Variants in ZNF804B observed in about 807,000 individuals in gnomAD.
ZNF804B encodes zinc finger protein 804B.
ZNF804B carries 80 observed loss-of-function variants against 101.4 expected under a neutral mutation model. The ratio of observed to expected loss-of-function variants is 0.79; its 90% CI spans 0.66 to 0.95. The LOEUF is 0.95. ZNF804B is among the 40% of genes least tolerant of loss of function. ZNF804B has a pLI of 0.00. For missense variants in ZNF804B, 1,673 were observed against 1,561.9 expected (o/e 1.07, Z -1.20); for synonymous variants, 622 against 558.8 (o/e 1.11, Z -1.59).
At chr7:89,237,457 T>C (rs971215278) in intron 2 of ZNF804B, among the ~76,000 whole-genome samples, 1 of 152,308 alleles carries the variant, frequency 6.6e-6, no homozygotes, top group Admixed American at 6.5e-5. Context: ...TTGAAAATGT[T>C]GATGTGATGA....
At chr7:89,320,440 A>T (rs1480827686) in intron 2 of ZNF804B, among the ~76,000 whole-genome samples, 1 of 152,134 alleles carries the variant, frequency 6.6e-6, no homozygotes, top group East Asian at 1.9e-4. Flanking sequence ...TAATCAATGA[A>T]CTTGAATCCA....
chr7:89,097,320 T>C (rs1335399664), intron 1 of ZNF804B, among the ~76,000 whole-genome samples: 5 of 152,192 alleles, frequency 3.3e-5, no homozygotes, highest in African/African-American at 1.2e-4. Context: ...GCAGTGTGGA[T>C]GTTTGTAATA....
At chr7:89,132,337 G>A (rs1290402398) in intron 1 of ZNF804B, among the ~76,000 whole-genome samples, 1 of 151,922 alleles carries the variant, frequency 6.6e-6, no homozygotes, top group Non-Finnish European at 1.5e-5. Context: ...AAACAAAGAC[G>A]CTATCTTGAA....
intron 1 of ZNF804B, among the ~76,000 whole-genome samples, chr7:88,961,043 T>C (rs868191043): frequency 5.3e-5 from 8 of 151,568 alleles, no homozygotes; most frequent in African/African-American, 1.9e-4. Flanking sequence ...GTATGAAATA[T>C]ATTTTAGACA....
intron 1 of ZNF804B, among the ~76,000 whole-genome samples, chr7:89,091,594 G>A (rs1024492230): frequency 4.6e-5 from 7 of 152,050 alleles, no homozygotes; most frequent in African/African-American, 1.7e-4. Flanking sequence ...AAATAAACAA[G>A]CATTTGATTC....
chr7:88,856,668 C>T (rs1305873144), intron 1 of ZNF804B, among the ~76,000 whole-genome samples: 1 of 152,096 alleles, frequency 6.6e-6, no homozygotes, highest in Admixed American at 6.6e-5. Context: ...TGAGAGAGAG[C>T]ATCCCTGTCT....
intron 1 of ZNF804B, among the ~76,000 whole-genome samples, chr7:88,788,362 C>T (rs73198640): frequency 0.19 from 29,120 of 152,044 alleles, 3,162 homozygotes; most frequent in African/African-American, 0.3. Context: ...TGTCCTTCAA[C>T]ACACCAAGCT....
In ZNF804B at chr7:89,057,726, G is replaced by A. The variant is rs375490555; in HGVS notation, c.109-160429G>A. Among the ~76,000 whole-genome samples the A allele has an allele frequency of 3.3e-5, 5 of 152,168 alleles. No homozygotes were observed. The East Asian group carries it at 7.8e-4, about 24-fold the overall frequency. ...CCAATGAAGGAAGCAGGCCACTGTG[G>A]AGTGGGGTTAGAGTAGAAGCAAGTG... is the stretch of plus-strand genomic sequence containing the variant. On this transcript the variant is annotated intron_variant, in intron 1 of 3. Coordinates refer to ENST00000333190, the MANE Select transcript of ZNF804B (RefSeq NM_181646.5).
intron 2 of ZNF804B, among the ~76,000 whole-genome samples, chr7:89,304,741 T>TA (rs1562941411): frequency 6.6e-6 from 1 of 151,892 alleles, no homozygotes; most frequent in East Asian, 1.9e-4. Flanking sequence ...CCCAGAGACT[T>TA]AGCAGCTAAT....
intron 1 of ZNF804B, among the ~76,000 whole-genome samples, chr7:89,085,786 TC>T (rs1789790370): frequency 6.6e-6 from 1 of 151,992 alleles, no homozygotes; most frequent in African/African-American, 2.4e-5. Flanking sequence ...TTCTTTTTAA[TC>T]TTTGTCTGCA....
chr7:89,217,100 C>G (rs1045033439), intron 1 of ZNF804B, among the ~76,000 whole-genome samples: 2 of 152,142 alleles, frequency 1.3e-5, no homozygotes, highest in African/African-American at 4.8e-5. Flanking sequence ...AATAAAATAG[C>G]TTCTTCCCTC....
At chr7:89,045,750 A>G (rs1037386060) in intron 1 of ZNF804B, among the ~76,000 whole-genome samples, 2 of 152,142 alleles carry the variant, frequency 1.3e-5, no homozygotes, top group Non-Finnish European at 2.9e-5. Context: ...TGTATCTAGG[A>G]AGTAACTCCT....
chr7:89,171,416 TTCTC>T (rs1791234304), intron 1 of ZNF804B, among the ~76,000 whole-genome samples: 1 of 94,370 alleles, frequency 1.1e-5, no homozygotes, highest in African/African-American at 4.0e-5. Context: ...CTTCTTCTTC[TTCTC>T]CTTCTCCTTC....
chr7:89,078,011 T>C (rs1789638825), intron 1 of ZNF804B, among the ~76,000 whole-genome samples: 1 of 152,070 alleles, frequency 6.6e-6, no homozygotes, highest in Non-Finnish European at 1.5e-5. Context: ...ATAAGGCTAA[T>C]AAGAGCAATA....
chr7:89,055,496 A>C (rs747553727), intron 1 of ZNF804B, among the ~76,000 whole-genome samples: 1 of 152,048 alleles, frequency 6.6e-6, no homozygotes, highest in Non-Finnish European at 1.5e-5. Flanking sequence ...GGCCTAGCGC[A>C]AGAGGAAAAA....
At chr7:88,822,411 A>G (rs1216547607) in intron 1 of ZNF804B, among the ~76,000 whole-genome samples, 1 of 152,202 alleles carries the variant, frequency 6.6e-6, no homozygotes. Context: ...GTTTATAGTT[A>G]TCGCTAAATA....
At chr7:89,033,274 G>A (rs888971985) in intron 1 of ZNF804B, among the ~76,000 whole-genome samples, 1 of 152,044 alleles carries the variant, frequency 6.6e-6, no homozygotes, top group Non-Finnish European at 1.5e-5. Context: ...TCCAATTCAC[G>A]TTGTCACAAA....
chr7:89,215,195 A>G (rs17167500), intron 1 of ZNF804B, among the ~76,000 whole-genome samples: 18,580 of 152,204 alleles, frequency 0.12, 1,218 homozygotes, highest in Middle Eastern at 0.25. Context: ...TAATGAAGCA[A>G]GAAATGTGAT....
chr7:89,287,804 GA>G (rs1292990970), intron 2 of ZNF804B, among the ~76,000 whole-genome samples: 3 of 151,324 alleles, frequency 2.0e-5, no homozygotes, highest in African/African-American at 7.3e-5. Context: ...TGCAAACTCA[GA>G]AAAAAAATCT....
Sources: allele counts gnomAD v4.1 joint callset (sites outside exome capture counted in the v4.1 genomes callset), GRCh38; gene constraint gnomAD v4.1.1; transcripts MANE v1.5; gene names NCBI Gene and HGNC (gene_info 2026-07-23, HGNC 2026-07-21).